The following AK5 variants were observed in gnomAD, a reference collection of about 807,000 sequenced individuals.
AK5 encodes the protein adenylate kinase 5.
Under a neutral mutation model 69.5 loss-of-function variants are expected in AK5, and 27 were observed. That is an observed-to-expected ratio of 0.39 (90% confidence interval 0.29 to 0.54). AK5 has a LOEUF of 0.54. Ranked by LOEUF, AK5 falls within the 20% of genes least tolerant of loss-of-function variation. AK5 has a pLI of 0.71. For synonymous variants in AK5, 260 were observed against 244.4 expected (o/e 1.06, Z -0.60); for missense variants, 531 against 700.4 (o/e 0.76, Z 2.73).
At chr1:77,523,533 A>G (rs2100324394) in intron 12 of AK5, among the ~76,000 whole-genome samples, 1 of 152,354 alleles carries the variant, frequency 6.6e-6, no homozygotes. Context: ...TAAAATAGAC[A>G]TAACAAAATT....
chr1:77,463,164 C>A (rs1415386725), intron 8 of AK5, among the ~76,000 whole-genome samples: 1 of 152,162 alleles, frequency 6.6e-6, no homozygotes, highest in Non-Finnish European at 1.5e-5. Flanking sequence ...GGCCCAATAA[C>A]AAGCACCCCA....
At chr1:77,439,822 G>A (rs750444500) in intron 8 of AK5, among the ~76,000 whole-genome samples, 1 of 151,308 alleles carries the variant, frequency 6.6e-6, no homozygotes, top group Admixed American at 6.6e-5. Flanking sequence ...ATATATGTAT[G>A]TATGTATATC....
At chr1:77,396,622 T>C (rs1648848218) in intron 6 of AK5, among the ~76,000 whole-genome samples, 2 of 152,196 alleles carry the variant, frequency 1.3e-5, no homozygotes, top group African/African-American at 4.8e-5. Context: ...CGGCTCTGAA[T>C]TTGGAAATGA....
chr1:77,482,502 G>A (rs564480311), intron 8 of AK5, among the ~76,000 whole-genome samples: 10 of 152,302 alleles, frequency 6.6e-5, no homozygotes, highest in African/African-American at 2.4e-4. Flanking sequence ...GCCGGGCACG[G>A]TGGCTCATGT....
At chr1:77,370,344 C>T (rs773647433) in intron 6 of AK5, among the ~76,000 whole-genome samples, 3 of 152,172 alleles carry the variant, frequency 2.0e-5, no homozygotes, top group Non-Finnish European at 4.4e-5. Flanking sequence ...AAGGAAGCAA[C>T]TAACAGACAA....
At chr1:77,369,907 C>T (rs1176902024) in intron 6 of AK5, among the ~76,000 whole-genome samples, 4 of 152,164 alleles carry the variant, frequency 2.6e-5, no homozygotes, top group South Asian at 2.1e-4. Flanking sequence ...TTCCACAAAA[C>T]GCACTTTAAT....
chr1:77,469,370 G>A lies in AK5; in HGVS notation c.1060-13947G>A, dbSNP rs559578438. The stretch of plus-strand genomic sequence containing the variant: ...GAGAGTTCCTCGATAACCTGGGTGA[G>A]CTTCATCCAATTCATTGAGAAGCCT... On this transcript the variant is annotated intron_variant, in intron 8 of 13. Transcript: ENST00000354567. 5.9e-5 allele frequency among the ~76,000 whole-genome samples: 9 copies of A among 152,354 alleles called. No homozygotes were observed. In the East Asian group the frequency reaches 7.7e-4, roughly 13 times the overall value.
intron 8 of AK5, among the ~76,000 whole-genome samples, chr1:77,482,315 A>T (rs1655303028): frequency 6.6e-6 from 1 of 152,092 alleles, no homozygotes; most frequent in African/African-American, 2.4e-5. Context: ...GTTTTTCTGA[A>T]TTTTTTTCCA....
chr1:77,454,497 A>G (rs1417549176), intron 8 of AK5, among the ~76,000 whole-genome samples: 1 of 152,134 alleles, frequency 6.6e-6, no homozygotes, highest in East Asian at 1.9e-4. Flanking sequence ...TTGTATTTTC[A>G]TCTGCTTTAT....
chr1:77,485,708 G>A (rs965408729), intron 9 of AK5, among the ~76,000 whole-genome samples: 1 of 152,200 alleles, frequency 6.6e-6, no homozygotes, highest in African/African-American at 2.4e-5. Flanking sequence ...TGATTTAAAA[G>A]TAATTTTTAA....
chr1:77,310,507 G>A (rs1309794704), intron 5 of AK5, among the ~76,000 whole-genome samples: 1 of 151,956 alleles, frequency 6.6e-6, no homozygotes, highest in African/African-American at 2.4e-5. Context: ...AGCCTCCCGA[G>A]TAGCTGGGAC....
chr1:77,407,749 C>T (rs1445463053), intron 6 of AK5, among the ~76,000 whole-genome samples: 1 of 152,010 alleles, frequency 6.6e-6, no homozygotes, highest in Non-Finnish European at 1.5e-5. Context: ...ACACAGTACC[C>T]AATAGATAGT....
chr1:77,542,615 A>C (rs964212196), intron 13 of AK5, among the ~76,000 whole-genome samples: 1 of 152,220 alleles, frequency 6.6e-6, no homozygotes. Flanking sequence ...GTATCAAATG[A>C]TATTTAAAGC....
At chr1:77,353,059 A>T (rs984551168) in intron 6 of AK5, among the ~76,000 whole-genome samples, 6 of 151,482 alleles carry the variant, frequency 4.0e-5, no homozygotes, top group South Asian at 2.1e-4. Flanking sequence ...TATTTTTTTA[A>T]AAAAAATAAG....
At chr1:77,548,291 G>C (rs1659641556) in intron 13 of AK5, among the ~76,000 whole-genome samples, 1 of 152,112 alleles carries the variant, frequency 6.6e-6, no homozygotes, top group South Asian at 2.1e-4. Flanking sequence ...ATAACGAGGA[G>C]AACTGTGTGG....
intron 12 of AK5, among the ~76,000 whole-genome samples, chr1:77,530,376 C>A (rs1362652581): frequency 6.6e-6 from 1 of 152,186 alleles, no homozygotes; most frequent in South Asian, 2.1e-4. Flanking sequence ...AGTGAGGTTC[C>A]CCCAAGGGGA....
rs561976573 is a variant in AK5, at chr1:77,373,141, G to A, written c.891+32573G>A. 1.4e-4 allele frequency among the ~76,000 whole-genome samples: 21 copies of A among 152,044 alleles called. No homozygotes were observed. The South Asian group carries it at 2.1e-3, about 15-fold the overall frequency. On this transcript the variant is annotated intron_variant, in intron 6 of 13. Coordinates refer to ENST00000354567, the MANE Select transcript of AK5 (RefSeq NM_174858.3). ...TACTTTCCAGAATAAGCTTGTAACC[G>A]TTTATACTCCCACCAGTTGTGTAGG...
At chr1:77,505,494 T>G (rs1446797929) in intron 10 of AK5, among the ~76,000 whole-genome samples, 1 of 152,224 alleles carries the variant, frequency 6.6e-6, no homozygotes, top group African/African-American at 2.4e-5. Context: ...ATTTTTCTTC[T>G]TCTTTTTACT....
chr1:77,515,365 C>T (rs574237244), intron 10 of AK5, among the ~76,000 whole-genome samples: 79 of 152,062 alleles, frequency 5.2e-4, no homozygotes, highest in Non-Finnish European at 1.0e-3. Context: ...AGTTGCCAAC[C>T]GCACAAAGAA....
Sources: gnomAD v4.1 joint callset for allele counts (sites outside exome capture counted in the v4.1 genomes callset) on GRCh38, gnomAD v4.1.1 for gene constraint, MANE v1.5 for transcripts, NCBI Gene and HGNC (gene_info 2026-07-23, HGNC 2026-07-21) for gene names.